The following TOX variants were observed in gnomAD, a reference collection of about 807,000 sequenced individuals.
The protein encoded by TOX is thymocyte selection-associated high mobility group box protein TOX.
Under a neutral mutation model 53.7 loss-of-function variants are expected in TOX, and 11 were observed. That is an observed-to-expected ratio of 0.20 (90% CI 0.13 to 0.34). The LOEUF is 0.34. TOX is among the 10% of genes least tolerant of loss of function. The pLI, the probability that TOX is intolerant of heterozygous loss-of-function variation, is 1.00. For synonymous variants in TOX, 225 were observed against 245.3 expected (o/e 0.92, Z 0.77); for missense variants, 570 against 664.6 (o/e 0.86, Z 1.56).
intron 2 of TOX, among the ~76,000 whole-genome samples, chr8:58,957,759 G>C (rs1349167577): frequency 1.3e-5 from 2 of 152,150 alleles, no homozygotes; most frequent in South Asian, 4.1e-4. Context: ...AGTTGTCTTG[G>C]ATTACTAAAC....
At chr8:58,884,560 A>C (rs1585879360) in intron 3 of TOX, among the ~76,000 whole-genome samples, 1 of 152,292 alleles carries the variant, frequency 6.6e-6, no homozygotes, top group Middle Eastern at 3.4e-3. Flanking sequence ...AGGTATAAGA[A>C]GGCTCTTTCT....
chr8:58,875,011 C>T (rs1811260620), intron 3 of TOX, among the ~76,000 whole-genome samples: 1 of 152,206 alleles, frequency 6.6e-6, no homozygotes, highest in Admixed American at 6.5e-5. Context: ...ATTGGACAAG[C>T]TCGATCTAAA....
rs757128157 is a variant in TOX, at chr8:58,815,624, A to T, written c.1106T>A (p.Leu369Gln). 8 of 1,614,164 alleles carry T rather than the reference A, an allele frequency of 5.0e-6. No homozygotes were observed. In the South Asian group the frequency reaches 7.7e-5, roughly 16 times the overall value. ...FHGPSQAHSALYLSSHYHQQP... is the reference protein window; with the variant it reads ...FHGPSQAHSAQYLSSHYHQQP... The stretch of plus-strand genomic sequence containing the variant: ...TTGGTGATAGTGGGAACTTAGGTAC[A>T]GGGCCGAGTGGGCCTGGCTGGGCCC... The change falls in exon 7 of 9, where the codon CTG becomes CAG. Residue 369 changes from leucine (L) to glutamine (Q), a missense_variant. By Grantham distance (113) the Leu-to-Gln change is moderately radical (BLOSUM62 -2). Coordinates refer to ENST00000361421, the MANE Select transcript of TOX (RefSeq NM_014729.3).
chr8:59,050,934 C>T (rs1209340688), intron 1 of TOX, among the ~76,000 whole-genome samples: 1 of 152,130 alleles, frequency 6.6e-6, no homozygotes, highest in Non-Finnish European at 1.5e-5. Context: ...TATTCATCAT[C>T]TAACATTTAT....
intron 3 of TOX, among the ~76,000 whole-genome samples, chr8:58,880,627 G>T: frequency 6.6e-6 from 1 of 152,092 alleles, no homozygotes; most frequent in African/African-American, 2.4e-5. Context: ...AGCTAAACAT[G>T]CTAAAGCAAA....
At chr8:58,960,071 T>C in intron 1 of TOX, 63 bp from the exon 2 acceptor site, 1 of 1,555,302 alleles carries the variant, frequency 6.4e-7, no homozygotes, top group South Asian at 1.1e-5. Flanking sequence ...GGTTTTTATT[T>C]GTTTTGTTTT....
intron 2 of TOX, among the ~76,000 whole-genome samples, chr8:58,958,775 T>C (rs1812750981): frequency 6.6e-6 from 1 of 152,196 alleles, no homozygotes; most frequent in South Asian, 2.1e-4. Context: ...TGAACAATAC[T>C]GTGTAGTTTC....
intron 6 of TOX, among the ~76,000 whole-genome samples, chr8:58,824,757 T>A (rs2129165647): frequency 6.6e-6 from 1 of 152,362 alleles, no homozygotes; most frequent in South Asian, 2.1e-4. Flanking sequence ...GAGAAAGTTC[T>A]TCAAGTCTAA....
At chr8:58,955,666 G>C (rs543291404) in intron 2 of TOX, among the ~76,000 whole-genome samples, 3 of 151,868 alleles carry the variant, frequency 2.0e-5, no homozygotes, top group Admixed American at 2.0e-4. Flanking sequence ...GAAGAGCTGA[G>C]TCCCTGAGTC....
chr8:58,940,756 C>A (rs1812424614), intron 2 of TOX, among the ~76,000 whole-genome samples: 1 of 152,134 alleles, frequency 6.6e-6, no homozygotes, highest in African/African-American at 2.4e-5. Context: ...TGGTGTCCAG[C>A]CAATAAGCGT....
intron 1 of TOX, among the ~76,000 whole-genome samples, chr8:59,052,406 A>C (rs114858720): frequency 0.03 from 4,545 of 152,300 alleles, 122 homozygotes; most frequent in Middle Eastern, 0.075. Context: ...TCATGTGGAA[A>C]TAAATCATAT....
chr8:58,873,506 A>C (rs1811230712), intron 3 of TOX, among the ~76,000 whole-genome samples: 1 of 152,100 alleles, frequency 6.6e-6, no homozygotes, highest in African/African-American at 2.4e-5. Flanking sequence ...ACTACTCCAA[A>C]AAGACTGGAT....
At chr8:58,963,123 C>G (rs190990334) in intron 1 of TOX, among the ~76,000 whole-genome samples, 26 of 152,292 alleles carry the variant, frequency 1.7e-4, no homozygotes, top group African/African-American at 5.8e-4. Context: ...TGGGGCATGA[C>G]TTGAAATAAC....
intron 5 of TOX, among the ~76,000 whole-genome samples, chr8:58,837,125 G>T (rs1176421805): frequency 6.6e-6 from 1 of 152,092 alleles, no homozygotes; most frequent in Admixed American, 6.5e-5. Flanking sequence ...GCATAAATAA[G>T]TGTGGGCTTT....
At chr8:58,989,282 C>T (rs567607528) in intron 1 of TOX, among the ~76,000 whole-genome samples, 1 of 152,038 alleles carries the variant, frequency 6.6e-6, no homozygotes, top group South Asian at 2.1e-4. Context: ...CGCCACTGCA[C>T]TCCAGCCTGG....
chr8:58,815,278 C>A, intron 7 of TOX, 60 bp downstream of exon 7: 1 of 1,517,000 alleles, frequency 6.6e-7, no homozygotes, highest in Non-Finnish European at 8.8e-7. Context: ...CTCCCCCCAC[C>A]TCCACCACCA....
chr8:59,061,190 G>C (rs936453072), intron 1 of TOX, among the ~76,000 whole-genome samples: 1 of 152,220 alleles, frequency 6.6e-6, no homozygotes, highest in African/African-American at 2.4e-5. Context: ...ATCTGTGTTT[G>C]AGTGTGTGCG....
intron 1 of TOX, among the ~76,000 whole-genome samples, chr8:59,040,866 T>C (rs1209001020): frequency 6.6e-6 from 1 of 152,214 alleles, no homozygotes; most frequent in African/African-American, 2.4e-5. Context: ...CCTTTCTTCC[T>C]GGCTCCTGGC....
intron 1 of TOX, among the ~76,000 whole-genome samples, chr8:58,968,561 C>G (rs1338641268): frequency 6.6e-6 from 1 of 152,160 alleles, no homozygotes; most frequent in African/African-American, 2.4e-5. Context: ...TTTCCACATC[C>G]TATCAGCTCT....
Sources: gnomAD v4.1 joint callset for allele counts (sites outside exome capture counted in the v4.1 genomes callset) on GRCh38, gnomAD v4.1.1 for gene constraint, MANE v1.5 for transcripts, NCBI Gene and HGNC (gene_info 2026-07-23, HGNC 2026-07-21) for gene names.